The following RBFOX1 variants were observed in gnomAD, a reference collection of about 807,000 sequenced individuals.
The protein encoded by RBFOX1 is RNA binding fox-1 homolog 1, also known as RNA binding protein fox-1 homolog 1.
Under a neutral mutation model 57.7 loss-of-function variants are expected in RBFOX1, and 8 were observed. That is an observed-to-expected ratio of 0.14 (90% CI 0.08 to 0.25). The LOEUF (loss-of-function observed/expected upper bound fraction) is 0.25. Ranked by LOEUF, RBFOX1 falls within the 10% of genes least tolerant of loss-of-function variation. The probability of loss-of-function intolerance (pLI) is 1.00; values close to 1 mark genes in which losing one functional copy is unlikely to be tolerated. For synonymous variants in RBFOX1, 326 were observed against 222.4 expected (o/e 1.47, Z -4.15); for missense variants, 611 against 548.5 (o/e 1.11, Z -1.14).
chr16:6,618,274 G>A (rs1006068046), intron 2 of RBFOX1, among the ~76,000 whole-genome samples: 4 of 152,104 alleles, frequency 2.6e-5, no homozygotes, highest in Non-Finnish European at 4.4e-5. Flanking sequence ...AGAAAAATAA[G>A]CAACAAAACC....
intron 2 of RBFOX1, among the ~76,000 whole-genome samples, chr16:6,615,878 G>A (rs562079876): frequency 1.7e-4 from 26 of 152,222 alleles, no homozygotes; most frequent in African/African-American, 5.8e-4. Flanking sequence ...CCTTGCTCGC[G>A]AATCCTCATG....
chr16:6,851,070 A>C (rs1007440212), intron 3 of RBFOX1, among the ~76,000 whole-genome samples: 1 of 152,244 alleles, frequency 6.6e-6, no homozygotes, highest in Non-Finnish European at 1.5e-5. Flanking sequence ...TGATAGACAC[A>C]CAACAACTAG....
At chr16:6,442,697 C>G (rs891196954) in intron 2 of RBFOX1, among the ~76,000 whole-genome samples, 12 of 152,162 alleles carry the variant, frequency 7.9e-5, no homozygotes, top group Admixed American at 7.2e-4. Context: ...GTCTCCCTGT[C>G]TTTTCTCTTT....
At chr16:6,598,092 G>T (rs1009552669) in intron 2 of RBFOX1, among the ~76,000 whole-genome samples, 5 of 152,170 alleles carry the variant, frequency 3.3e-5, no homozygotes, top group Admixed American at 2.6e-4. Flanking sequence ...GTGGCAGAAG[G>T]CATCCTTATA....
intron 2 of RBFOX1, among the ~76,000 whole-genome samples, chr16:5,544,675 T>C (rs544365943): frequency 2.6e-5 from 4 of 152,244 alleles, no homozygotes; most frequent in Admixed American, 2.0e-4. Context: ...TGATATCAAA[T>C]ACTAAAGATA....
At chr16:7,357,044 G>T (rs2097227921) in intron 4 of RBFOX1, among the ~76,000 whole-genome samples, 2 of 152,112 alleles carry the variant, frequency 1.3e-5, no homozygotes, top group South Asian at 2.1e-4. Flanking sequence ...GGAATCCAGG[G>T]ATCTATCTGC....
At chr16:7,629,457 G>A (rs139501501) in intron 10 of RBFOX1, among the ~76,000 whole-genome samples, 115 of 152,266 alleles carry the variant, frequency 7.6e-4, no homozygotes, top group Non-Finnish European at 1.3e-3. Flanking sequence ...TTGCTTTCCC[G>A]TTGCGGTCCT....
intron 2 of RBFOX1, among the ~76,000 whole-genome samples, chr16:6,503,088 C>T (rs1427255261): frequency 6.6e-6 from 1 of 152,134 alleles, no homozygotes; most frequent in Non-Finnish European, 1.5e-5. Flanking sequence ...GATATATTCT[C>T]AACAGACCTA....
intron 2 of RBFOX1, among the ~76,000 whole-genome samples, chr16:6,465,644 G>A (rs1224657734): frequency 7.7e-6 from 1 of 130,646 alleles, no homozygotes; most frequent in East Asian, 2.7e-4. Context: ...GTGTATTTAT[G>A]TCCTTAAATT....
intron 1 of RBFOX1, among the ~76,000 whole-genome samples, chr16:6,069,447 G>A (rs1311550324): frequency 6.8e-6 from 1 of 148,016 alleles, no homozygotes; most frequent in Admixed American, 6.8e-5. Flanking sequence ...AGGGAGAGAA[G>A]AACCACCCTA....
intron 1 of RBFOX1, among the ~76,000 whole-genome samples, chr16:6,176,757 C>A (rs2097014170): frequency 6.6e-6 from 1 of 151,152 alleles, no homozygotes; most frequent in Non-Finnish European, 1.5e-5. Flanking sequence ...ACCAGATAAA[C>A]ATGTATTTAA....
At chr16:5,681,920 T>C (rs1251947844) in intron 3 of RBFOX1, among the ~76,000 whole-genome samples, 3 of 152,144 alleles carry the variant, frequency 2.0e-5, no homozygotes, top group South Asian at 2.1e-4. Context: ...AGTAGAATCT[T>C]GAAGACCATT....
chr16:5,374,398 A>G (rs1481249714), intron 1 of RBFOX1, among the ~76,000 whole-genome samples: 9 of 151,544 alleles, frequency 5.9e-5, no homozygotes, highest in Admixed American at 3.9e-4. Flanking sequence ...CCTTTGAGTT[A>G]GTCCTTAAAT....
chr16:6,401,845 A>G (rs536141472), intron 2 of RBFOX1, among the ~76,000 whole-genome samples: 1 of 152,040 alleles, frequency 6.6e-6, no homozygotes, highest in Admixed American at 6.6e-5. Flanking sequence ...GATCCATTTT[A>G]TATGTATCTA....
chr16:7,639,865 A>G (rs755862870), intron 11 of RBFOX1, among the ~76,000 whole-genome samples: 5 of 152,114 alleles, frequency 3.3e-5, no homozygotes, highest in Non-Finnish European at 5.9e-5. Flanking sequence ...TGCCACCTCA[A>G]TCATAGCACT....
chr16:7,492,250 T>C (rs900743324), intron 4 of RBFOX1, among the ~76,000 whole-genome samples: 1 of 152,210 alleles, frequency 6.6e-6, no homozygotes, highest in Admixed American at 6.5e-5. Flanking sequence ...AAAATTCAAA[T>C]AAAAGGAATG....
rs141254308 is a variant in RBFOX1 at position 5,487,635 on chromosome 16, G to C, written c.258+20381G>C. Among the ~76,000 whole-genome samples the C allele has an allele frequency of 2.0e-5, 3 of 152,310 alleles. No homozygotes were observed. The East Asian group carries it at 5.8e-4, about 29-fold the overall frequency. On this transcript the variant is annotated intron_variant, in intron 2 of 2. Coordinates refer to the RBFOX1 transcript ENST00000585867. ...CCCTGGGATGCTTTAATGTACTTGA[G>C]ACCACAGAAGATGAAAGCTAAAAAG...
chr16:7,192,022 T>C (rs2085510522), intron 4 of RBFOX1, among the ~76,000 whole-genome samples: 1 of 152,254 alleles, frequency 6.6e-6, no homozygotes, highest in Non-Finnish European at 1.5e-5. Context: ...TTTAACATTT[T>C]ATTAGAGGGA....
chr16:6,088,317 G>A (rs145344651), intron 1 of RBFOX1, among the ~76,000 whole-genome samples: 5 of 151,934 alleles, frequency 3.3e-5, no homozygotes, highest in East Asian at 1.9e-4. Flanking sequence ...TCACAGATGC[G>A]TTTTTGTCAC....
Sources: gnomAD v4.1 joint callset for allele counts (sites outside exome capture counted in the v4.1 genomes callset) on GRCh38, gnomAD v4.1.1 for gene constraint, MANE v1.5 for transcripts, NCBI Gene and HGNC (gene_info 2026-07-23, HGNC 2026-07-21) for gene names.